The following TMPRSS9 variants were observed in gnomAD, a reference collection of about 807,000 sequenced individuals.
TMPRSS9 encodes transmembrane protease serine 9.
Under a neutral mutation model 111.4 loss-of-function variants are expected in TMPRSS9, and 113 were observed. The ratio of observed to expected loss-of-function variants is 1.01; its 90% CI spans 0.87 to 1.19. The LOEUF (loss-of-function observed/expected upper bound fraction) is 1.19. Ranked by LOEUF, TMPRSS9 falls within the 50% of genes most tolerant of loss-of-function variation. The probability of loss-of-function intolerance (pLI) is 0.00; values close to 1 mark genes in which losing one functional copy is unlikely to be tolerated. For missense variants in TMPRSS9, 1,803 were observed against 1,513.1 expected, an observed-to-expected ratio of 1.19 and a Z score of -3.18; for synonymous variants, 805 against 659.1, an observed-to-expected ratio of 1.22 and a Z score of -3.39.
At position 2,425,444 on chromosome 19, in the gene TMPRSS9, G is replaced by GC. The variant is rs767019883; in HGVS notation, c.3073dup (p.Arg1025ProfsTer18). On this transcript the variant is annotated frameshift_variant, in exon 17 of 18. Coordinates refer to ENST00000648592, the Ensembl canonical transcript of TMPRSS9. LOFTEE classifies it low-confidence loss of function (END_TRUNC). ...CGCTTCTACCCAGTGCAGATCAGCAGCCGCATGCTGTGTGCCGGCTTCCCG... is the reference window on the plus strand; with the variant it reads ...CGCTTCTACCCAGTGCAGATCAGCAGCCCGCATGCTGTGTGCCGGCTTCCCG... 1 of 1,591,800 alleles carries GC rather than the reference G, an allele frequency of 6.3e-7. No homozygotes were observed.
At chr19:2,424,240 G>A (rs756381380) in exon 15 of TMPRSS9, 1 of 1,400,910 alleles carries the variant, frequency 7.1e-7, no homozygotes, top group South Asian at 1.7e-5. Flanking sequence ...TGCTGTCGGC[G>A]GCGCACTGCT....
Position 2,418,032 on chromosome 19 carries a change from C to T in TMPRSS9, c.2048C>T (p.Ser683Phe), listed in dbSNP as rs149686379. 1.8e-4 allele frequency: 297 copies of T among 1,611,680 alleles called. No individual in the cohort carries two copies. The highest frequency in any genetic ancestry group is 8.1e-4 in the Admixed American group (48 of 59,500). Residue 683 changes from serine to phenylalanine, a missense_variant, in exon 13 of 18, where the codon TCC (serine) becomes TTC (phenylalanine). Coordinates refer to ENST00000648592, the Ensembl canonical transcript of TMPRSS9. ...AAGCCCGAGCTCCTGCAGAAGGCGT[C>T]CGTGGGCATCATAGACCAGAAAACC...
chr19:2,395,199 C>T (rs950807888), intron 1 of TMPRSS9, among the ~76,000 whole-genome samples: 5 of 152,170 alleles, frequency 3.3e-5, no homozygotes, highest in African/African-American at 1.2e-4. Context: ...GGGTGGATCA[C>T]CTGAGGTCAG....
exon 16 of TMPRSS9, chr19:2,425,162 C>A: frequency 1.3e-6 from 2 of 1,565,666 alleles, no homozygotes; most frequent in Non-Finnish European, 1.7e-6. Context: ...GGGGCCGGTG[C>A]GTCGCAGCCG....
At chr19:2,416,961 C>A in intron 12 of TMPRSS9, 152 bp downstream of exon 13, 2 of 1,089,580 alleles carry the variant, frequency 1.8e-6, no homozygotes, top group Non-Finnish European at 2.5e-6. Flanking sequence ...GTCCCGCTGC[C>A]CACACACCTC....
chr19:2,364,087 T>C (rs1970228593), intron 1 of TMPRSS9, among the ~76,000 whole-genome samples: 2 of 151,952 alleles, frequency 1.3e-5, no homozygotes, highest in Admixed American at 1.3e-4. Flanking sequence ...GAGGCTGAGA[T>C]GGGAGGATCG....
intron 1 of TMPRSS9, among the ~76,000 whole-genome samples, chr19:2,371,067 C>T (rs73919616): frequency 0.11 from 17,361 of 152,170 alleles, 1,986 homozygotes; most frequent in African/African-American, 0.3. Flanking sequence ...TGTCACCCTA[C>T]TCCCTGGCCC....
At chr19:2,422,232 C>G in exon 14 of TMPRSS9, 2 of 1,512,026 alleles carry the variant, frequency 1.3e-6, no homozygotes, top group African/African-American at 2.8e-5. Flanking sequence ...GGCCACCACA[C>G]ACACCCAGCT....
chr19:2,405,901 T>C (rs1970959226), intron 7 of TMPRSS9, among the ~76,000 whole-genome samples: 3 of 150,572 alleles, frequency 2.0e-5, no homozygotes, highest in South Asian at 2.1e-4. Flanking sequence ...TTTCACCGTG[T>C]TAGCCAGGAT....
At chr19:2,392,033 C>T (rs1483120378) in intron 1 of TMPRSS9, among the ~76,000 whole-genome samples, 1 of 151,964 alleles carries the variant, frequency 6.6e-6, no homozygotes, top group African/African-American at 2.4e-5. Flanking sequence ...TGAGCCACCA[C>T]GCCCCATCAG....
At chr19:2,410,567 G>T (rs1199450768) in intron 9 of TMPRSS9, among the ~76,000 whole-genome samples, 173 bp downstream of exon 10, 1 of 152,134 alleles carries the variant, frequency 6.6e-6, no homozygotes, top group African/African-American at 2.4e-5. Context: ...CAGATATCTG[G>T]ATGCCCGTTC....
chr19:2,414,093 T>C (rs771405604), intron 10 of TMPRSS9, 75 bp downstream of exon 11: 42 of 1,403,772 alleles, frequency 3.0e-5, no homozygotes, highest in Non-Finnish European at 3.8e-5. Flanking sequence ...ATCGTCATAG[T>C]ATCTTCATAA....
At chr19:2,418,009 G>A in exon 13 of TMPRSS9, 2 of 1,611,490 alleles carry the variant, frequency 1.2e-6, no homozygotes, top group South Asian at 2.2e-5. Flanking sequence ...TAGCCACCAA[G>A]CCCGAGCTCC....
chr19:2,400,975 TAA>T (rs58186638), intron 4 of TMPRSS9, among the ~76,000 whole-genome samples: 36 of 124,782 alleles, frequency 2.9e-4, no homozygotes, highest in Admixed American at 5.2e-4. Context: ...GACTCTGTCT[TAA>T]AAAAAAAAAA....
exon 1 of TMPRSS9, chr19:2,389,874 G>C (rs891174): frequency 0.64 from 1,033,761 of 1,613,220 alleles, 335,113 homozygotes; most frequent in Middle Eastern, 0.72. Context: ...CGAGCGGCCA[G>C]CATTGGCGTG....
chr19:2,384,157 T>A (rs1970424668), intron 1 of TMPRSS9, among the ~76,000 whole-genome samples: 1 of 152,124 alleles, frequency 6.6e-6, no homozygotes, highest in South Asian at 2.1e-4. Context: ...TCTGTGGGTT[T>A]CTAATGGGGA....
At chr19:2,386,865 G>A (rs538910716), upstream of TMPRSS9, among the ~76,000 whole-genome samples, 1 of 152,050 alleles carries the variant, frequency 6.6e-6, no homozygotes, top group South Asian at 2.1e-4. Flanking sequence ...GATGGCACAC[G>A]CCTGTGGTCC....
intron 1 of TMPRSS9, among the ~76,000 whole-genome samples, chr19:2,376,251 C>T (rs188768598): frequency 5.9e-5 from 9 of 152,258 alleles, no homozygotes. Flanking sequence ...CCCTGACCCT[C>T]ACCCTCCCAC....
At chr19:2,398,344 C>T (rs1444303289) in intron 2 of TMPRSS9, among the ~76,000 whole-genome samples, 4 of 151,158 alleles carry the variant, frequency 2.6e-5, no homozygotes, top group Non-Finnish European at 4.4e-5. Flanking sequence ...TAAGTCTGGG[C>T]GTGGTGGCTC....
Sources: allele counts gnomAD v4.1 joint callset (sites outside exome capture counted in the v4.1 genomes callset), GRCh38; gene constraint gnomAD v4.1.1; transcripts MANE v1.5; gene names NCBI Gene and HGNC (gene_info 2026-07-23, HGNC 2026-07-21).